Variants in HGF observed in about 807,000 individuals in gnomAD.
HGF encodes the protein fibroblast-derived tumor cytotoxic factor.
In HGF, 39 loss-of-function variants were observed where a neutral mutation model predicts 111.6. That is an observed-to-expected ratio of 0.35 (90% CI 0.27 to 0.46). The LOEUF is 0.46. Ranked by LOEUF, HGF falls within the 20% of genes least tolerant of loss-of-function variation. The probability of loss-of-function intolerance (pLI) is 1.00; values close to 1 mark genes in which losing one functional copy is unlikely to be tolerated. For synonymous variants in HGF, 285 were observed against 294.8 expected (o/e 0.97, Z 0.34); for missense variants, 735 against 910.5 (o/e 0.81, Z 2.48).
At chr7:81,705,262 C>T (rs1215372678) in intron 17 of HGF, 128 bp downstream of exon 17, 2 of 870,448 alleles carry the variant, frequency 2.3e-6, no homozygotes, top group African/African-American at 3.4e-5. Flanking sequence ...GTTAATTTTC[C>T]CAATTCCTCT....
At chr7:81,714,872 A>G (rs1002787537) in intron 11 of HGF, among the ~76,000 whole-genome samples, 1 of 152,062 alleles carries the variant, frequency 6.6e-6, no homozygotes, top group Non-Finnish European at 1.5e-5. Flanking sequence ...GGCTATAAAT[A>G]TTAGTTAGAA....
At chr7:81,751,496 T>TG (rs11404675) in intron 5 of HGF, 760,902 of 983,324 alleles carry the variant, frequency 0.77, 295,849 homozygotes, top group African/African-American at 0.93. Flanking sequence ...GGACTTAAGG[T>TG]CCATAGACAT....
At chr7:81,741,749 A>G (rs1251217497) in intron 7 of HGF, among the ~76,000 whole-genome samples, 3 of 151,444 alleles carry the variant, frequency 2.0e-5, no homozygotes, top group African/African-American at 7.3e-5. Flanking sequence ...GACCAGCCTG[A>G]CCAACATAGA....
intron 5 of HGF, among the ~76,000 whole-genome samples, chr7:81,750,699 G>A (rs897049775): frequency 1.3e-5 from 2 of 152,072 alleles, no homozygotes; most frequent in African/African-American, 4.8e-5. Flanking sequence ...ATAGTAAGCT[G>A]TTTAAAGTTT....
intron 17 of HGF, among the ~76,000 whole-genome samples, chr7:81,703,412 C>T (rs917591836): frequency 2.7e-5 from 4 of 150,804 alleles, no homozygotes; most frequent in African/African-American, 9.7e-5. Context: ...ATTTTATACC[C>T]TCCTTTCTGT....
intron 5 of HGF, 118 bp from the exon 6 acceptor site, chr7:81,745,238 T>C (rs1488632885): frequency 7.8e-6 from 8 of 1,028,698 alleles, no homozygotes; most frequent in African/African-American, 6.3e-5. Flanking sequence ...ATCCTACACA[T>C]CATTCTAACT....
intron 2 of HGF, 81 bp from the exon 3 acceptor site, chr7:81,758,885 C>A: frequency 1.1e-6 from 1 of 890,202 alleles, no homozygotes; most frequent in Admixed American, 1.8e-5. Context: ...TTCATCTTGT[C>A]CATGGGCATA....
chr7:81,760,022 A>G (rs761950712), intron 2 of HGF, among the ~76,000 whole-genome samples: 1 of 152,090 alleles, frequency 6.6e-6, no homozygotes, highest in Non-Finnish European at 1.5e-5. Context: ...TGCTGATCTC[A>G]TTCACTCTTT....
At chr7:81,747,287 C>T (rs566576114) in intron 5 of HGF, among the ~76,000 whole-genome samples, 4 of 152,026 alleles carry the variant, frequency 2.6e-5, no homozygotes, top group East Asian at 1.9e-4. Context: ...TGCAGTGAGC[C>T]GAGATGGCAC....
At chr7:81,749,939 T>C (rs1054912485) in intron 5 of HGF, among the ~76,000 whole-genome samples, 1 of 152,058 alleles carries the variant, frequency 6.6e-6, no homozygotes, top group Admixed American at 6.6e-5. Flanking sequence ...GGTGTTTTTC[T>C]TGTTTAATTT....
rs573767016 is a variant in HGF, at chr7:81,714,299, T to C, written c.1406-2780A>G. ...AGTGTTTGTATTTTTATAAACATAG[T>C]ATGTTATATATGGCTTTGTACACAA... On this transcript the variant is annotated intron_variant, in intron 11 of 17. Coordinates refer to ENST00000222390, the MANE Select transcript of HGF (RefSeq NM_000601.6). 5.9e-5 allele frequency among the ~76,000 whole-genome samples: 9 copies of C among 152,270 alleles called. No individual in the cohort carries two copies. In the South Asian group the frequency reaches 1.9e-3, roughly 32 times the overall value.
Position 81,700,196 on chromosome 7 carries a change from A to G in HGF, c.*2385T>C, listed in dbSNP as rs1789245947. Reference sequence around the variant, plus strand: ...AAAAATGTTTAATGATTTATTCAGCAAAGAACACCTGGTAAATAGTGTCTT... The same window carrying G: ...AAAAATGTTTAATGATTTATTCAGCGAAGAACACCTGGTAAATAGTGTCTT... On this transcript the variant is annotated 3_prime_UTR_variant, in exon 18 of 18. Transcript: ENST00000222390. 1 of 151,686 alleles carries G rather than the reference A, an allele frequency of 6.6e-6. No homozygotes were observed. Among genetic ancestry groups the G allele is most frequent in the Non-Finnish European group, 1.5e-5 (1 of 67,682 alleles). The allele number at this position is 151,686 out of a possible 1,614,324, so 9.4% of individuals were successfully genotyped here.
chr7:81,768,189 C>T (rs1432319384), intron 1 of HGF, among the ~76,000 whole-genome samples: 1 of 152,184 alleles, frequency 6.6e-6, no homozygotes, highest in Non-Finnish European at 1.5e-5. Flanking sequence ...ATAGACACTG[C>T]CTACGGTTGA....
chr7:81,713,574 G>T (rs969171479), intron 11 of HGF, among the ~76,000 whole-genome samples: 1 of 151,634 alleles, frequency 6.6e-6, no homozygotes, highest in African/African-American at 2.4e-5. Flanking sequence ...TATACATTTT[G>T]GGTTTTAATA....
At chr7:81,730,429 TGG>T (rs1003853869) in intron 7 of HGF, among the ~76,000 whole-genome samples, 3 of 152,202 alleles carry the variant, frequency 2.0e-5, no homozygotes, top group African/African-American at 7.2e-5. Flanking sequence ...CACTCCAGCC[TGG>T]GCAAGAAGAG....
intron 8 of HGF, 45 bp from the exon 9 acceptor site, chr7:81,726,062 G>C (rs559823359): frequency 2.5e-6 from 4 of 1,589,322 alleles, no homozygotes; most frequent in Non-Finnish European, 3.5e-6. Context: ...GAGTTCTTAC[G>C]TTGGTGAAGT....
Position 81,745,219 on chromosome 7 carries a change from T to C in HGF, c.626-99A>G. 3.9e-6 allele frequency: 5 copies of C among 1,293,732 alleles called. No homozygotes were observed. In the South Asian group the frequency reaches 6.0e-5, roughly 16 times the overall value. The allele number at this position is 1,293,732 out of a possible 1,614,324, so 80.1% of individuals were successfully genotyped here. A position where few individuals can be genotyped will look rare whatever the true frequency, so the allele number is the denominator to read the frequency against. ...AACAGCACCTGTTTAGTAAACAGAT[T>C]TTTAAAAAATCCTACACATCATTCT... On this transcript the variant is annotated intron_variant, in intron 5 of 17. Coordinates refer to ENST00000222390, the MANE Select transcript of HGF (RefSeq NM_000601.6).
At chr7:81,720,414 T>C (rs1562878456) in intron 10 of HGF, among the ~76,000 whole-genome samples, 1 of 152,240 alleles carries the variant, frequency 6.6e-6, no homozygotes, top group African/African-American at 2.4e-5. Context: ...TATTAAGTTA[T>C]GTAACTATTG....
At position 81,700,204 on chromosome 7, in the gene HGF, C is replaced by T. The variant is rs1329418215; in HGVS notation, c.*2377G>A. 5 of 151,586 alleles carry T rather than the reference C, an allele frequency of 3.3e-5. No individual in the cohort carries two copies. The Admixed American group carries it at 3.3e-4, about 10-fold the overall frequency. 9.4% of individuals were successfully genotyped at this position (151,586 alleles called of 1,614,324 possible). A position where few individuals can be genotyped will look rare whatever the true frequency, so the allele number is the denominator to read the frequency against. ...TTAATGATTTATTCAGCAAAGAACA[C>T]CTGGTAAATAGTGTCTTCCACCAGC... On this transcript the variant is annotated 3_prime_UTR_variant, in exon 18 of 18. Transcript: ENST00000222390.
Sources: gnomAD v4.1 joint callset for allele counts (sites outside exome capture counted in the v4.1 genomes callset) on GRCh38, gnomAD v4.1.1 for gene constraint, MANE v1.5 for transcripts, NCBI Gene and HGNC (gene_info 2026-07-23, HGNC 2026-07-21) for gene names.